GXYLT2: variants seen among roughly 807,000 people sequenced by gnomAD.
GXYLT2 encodes the protein glucoside xylosyltransferase 2.
GXYLT2 carries 53 observed loss-of-function variants against 45.8 expected under a neutral mutation model. That is an observed-to-expected ratio of 1.16 (90% CI 0.93 to 1.46). The LOEUF (loss-of-function observed/expected upper bound fraction) is 1.46. Ranked by LOEUF, GXYLT2 falls within the 40% of genes most tolerant of loss-of-function variation. The pLI, the probability that GXYLT2 is intolerant of heterozygous loss-of-function variation, is 0.00. For synonymous variants in GXYLT2, 219 were observed against 214.2 expected, an observed-to-expected ratio of 1.02 and a Z score of -0.19; for missense variants, 551 against 544.4, an observed-to-expected ratio of 1.01 and a Z score of -0.12.
chr3:72,972,461 T>G (rs1343766966), intron 6 of GXYLT2, among the ~76,000 whole-genome samples: 2 of 151,358 alleles, frequency 1.3e-5, no homozygotes, highest in Non-Finnish European at 2.9e-5. Flanking sequence ...GCCAACATGG[T>G]GAAACCCCAT....
At chr3:72,929,785 T>C (rs535636189) in intron 3 of GXYLT2, among the ~76,000 whole-genome samples, 1 of 152,114 alleles carries the variant, frequency 6.6e-6, no homozygotes, top group Non-Finnish European at 1.5e-5. Context: ...ATTAGACATA[T>C]AGAAAACAAA....
chr3:72,959,507 G>T (rs962176403), intron 5 of GXYLT2, among the ~76,000 whole-genome samples: 1 of 151,138 alleles, frequency 6.6e-6, no homozygotes, highest in Admixed American at 6.6e-5. Context: ...GCGATCTTCC[G>T]GCCTCGGCCT....
intron 3 of GXYLT2, among the ~76,000 whole-genome samples, chr3:72,939,035 A>G (rs1710244947): frequency 6.6e-6 from 1 of 152,228 alleles, no homozygotes; most frequent in African/African-American, 2.4e-5. Context: ...TGTAAGTTAT[A>G]TGTAATTCCA....
rs1002126389 is a variant in GXYLT2, at chr3:72,900,420, A to T, written c.276-7947A>T. ...CATTCCCACATGGCATCACAATTTT[A>T]TTTTTTTTTTGAGACGGAGTTTCAC... On this transcript the variant is annotated intron_variant, in intron 1 of 6. Transcript: ENST00000389617. 2.3e-4 allele frequency among the ~76,000 whole-genome samples: 34 copies of T among 149,368 alleles called. 1 individual carries two copies. Among genetic ancestry groups the T allele is most frequent in the African/African-American group, 7.6e-4 (31 of 40,774 alleles).
chr3:72,943,213 C>T (rs755767665), intron 3 of GXYLT2, among the ~76,000 whole-genome samples: 1 of 152,168 alleles, frequency 6.6e-6, no homozygotes, highest in South Asian at 2.1e-4. Context: ...CATATAATTA[C>T]AGAAATTAAG....
intron 3 of GXYLT2, among the ~76,000 whole-genome samples, chr3:72,933,003 A>G (rs1177724446): frequency 6.6e-6 from 1 of 152,214 alleles, no homozygotes; most frequent in Non-Finnish European, 1.5e-5. Flanking sequence ...AAAAGAGAAT[A>G]ATAATATTGC....
intron 2 of GXYLT2, among the ~76,000 whole-genome samples, chr3:72,916,179 A>G (rs925665214): frequency 4.7e-5 from 7 of 150,282 alleles, no homozygotes; most frequent in African/African-American, 1.5e-4. Context: ...GTTTTGCCAC[A>G]CTTCCTTCTC....
chr3:72,950,989 C>T (rs1033422330), intron 3 of GXYLT2, among the ~76,000 whole-genome samples: 1 of 152,100 alleles, frequency 6.6e-6, no homozygotes, highest in Non-Finnish European at 1.5e-5. Context: ...CTTTTAACCC[C>T]GCCCCTCACT....
intron 1 of GXYLT2, among the ~76,000 whole-genome samples, chr3:72,892,072 G>A (rs1709192664): frequency 2.0e-5 from 3 of 152,174 alleles, no homozygotes; most frequent in African/African-American, 7.2e-5. Flanking sequence ...GGCATGTGGA[G>A]TCCAGCAAAT....
chr3:72,940,225 A>G (rs1212397236), intron 3 of GXYLT2, among the ~76,000 whole-genome samples: 2 of 152,224 alleles, frequency 1.3e-5, no homozygotes, highest in East Asian at 1.9e-4. Flanking sequence ...ATTTACACAT[A>G]CAACCATTTA....
chr3:72,972,177 C>T (rs896198606), intron 6 of GXYLT2, among the ~76,000 whole-genome samples: 5 of 151,794 alleles, frequency 3.3e-5, no homozygotes, highest in Admixed American at 1.3e-4. Context: ...TTTGTGTGTA[C>T]GTGTTTGTGT....
In GXYLT2 at chr3:72,888,461, C is replaced by A. The variant is rs985733281; in HGVS notation, c.228C>A (p.Arg76=). ...GVRRRRPPRP[R]PRAGRRGAAR... is the part of the protein sequence containing the mutation. ...GGAGGCGCCGGCCCCCGCGTCCGCG[C>A]CCCCGAGCGGGCCGCCGGGGCGCTG... The change falls in exon 1 of 7, where the codon CGC becomes CGA. Residue 76 remains arginine (R), a synonymous_variant. Coordinates refer to ENST00000389617, the MANE Select transcript of GXYLT2 (RefSeq NM_001080393.2). The A allele has an allele frequency of 1.9e-5, 24 of 1,238,672 alleles. No homozygotes were observed. The highest frequency in any genetic ancestry group is 2.4e-5 in the Non-Finnish European group (24 of 986,710). 76.7% of individuals were successfully genotyped at this position (1,238,672 alleles called of 1,614,324 possible).
chr3:72,918,708 G>A (rs183349802), intron 2 of GXYLT2, among the ~76,000 whole-genome samples: 11 of 152,046 alleles, frequency 7.2e-5, no homozygotes, highest in South Asian at 2.1e-4. Flanking sequence ...GCGTCTACTC[G>A]GGAGGCTACT....
At chr3:72,958,622 C>A (rs1575813629) in intron 5 of GXYLT2, among the ~76,000 whole-genome samples, 1 of 143,348 alleles carries the variant, frequency 7.0e-6, no homozygotes, top group African/African-American at 2.6e-5. Flanking sequence ...TAGCTGTTCA[C>A]TTGTGGCTTT....
At chr3:72,916,427 A>T (rs188392664) in intron 2 of GXYLT2, among the ~76,000 whole-genome samples, 15 of 150,938 alleles carry the variant, frequency 9.9e-5, no homozygotes, top group Admixed American at 9.9e-4. Context: ...GTCTCAAGTG[A>T]TCCTCCAACC....
intron 5 of GXYLT2, among the ~76,000 whole-genome samples, chr3:72,965,081 A>G (rs565277923): frequency 1.7e-4 from 26 of 152,308 alleles, no homozygotes; most frequent in African/African-American, 4.8e-4. Flanking sequence ...ACTCCATCCC[A>G]CTTAGGGACT....
intron 3 of GXYLT2, among the ~76,000 whole-genome samples, chr3:72,934,726 G>T (rs971803203): frequency 1.3e-5 from 2 of 152,086 alleles, no homozygotes; most frequent in Non-Finnish European, 2.9e-5. Flanking sequence ...TAAAACAGGG[G>T]GTCTCTGGAC....
intron 5 of GXYLT2, among the ~76,000 whole-genome samples, chr3:72,962,005 G>A (rs1260948361): frequency 6.6e-6 from 1 of 152,156 alleles, no homozygotes; most frequent in Non-Finnish European, 1.5e-5. Context: ...GGAGGCAGGA[G>A]GAGTTCATGG....
intron 4 of GXYLT2, 22 bp from the exon 5 acceptor site, chr3:72,957,206 TC>T (rs778393311): frequency 1.2e-6 from 2 of 1,601,074 alleles, no homozygotes; most frequent in Non-Finnish European, 1.7e-6. Flanking sequence ...CTTCAGCTGT[TC>T]TGATGGTTTT....
Sources: allele counts gnomAD v4.1 joint callset (sites outside exome capture counted in the v4.1 genomes callset), GRCh38; gene constraint gnomAD v4.1.1; transcripts MANE v1.5; gene names NCBI Gene and HGNC (gene_info 2026-07-23, HGNC 2026-07-21).